Variants in ATP6V0D1 observed in about 807,000 individuals in gnomAD.
The protein encoded by ATP6V0D1 is ATPase H+ transporting V0 subunit d1.
In ATP6V0D1, 13 loss-of-function variants were observed where a neutral mutation model predicts 39.0. The observed-to-expected ratio is 0.33, with a 90% CI of 0.22 to 0.53. The LOEUF is 0.53. ATP6V0D1 is among the 20% of genes least tolerant of loss of function. ATP6V0D1 has a pLI of 0.94. For missense variants in ATP6V0D1, 272 were observed against 470.9 expected, an observed-to-expected ratio of 0.58 and a Z score of 3.91; for synonymous variants, 191 against 191.2, an observed-to-expected ratio of 1.00 and a Z score of 0.01.
intron 2 of ATP6V0D1, among the ~76,000 whole-genome samples, chr16:67,450,965 G>T (rs1391407356): frequency 6.6e-6 from 1 of 152,206 alleles, no homozygotes; most frequent in Non-Finnish European, 1.5e-5. Context: ...TGTGAAGAAG[G>T]TGGGCCACCT....
chr16:67,476,296 G>C (rs568505893), intron 1 of ATP6V0D1, among the ~76,000 whole-genome samples: 1 of 150,934 alleles, frequency 6.6e-6, no homozygotes, highest in East Asian at 1.9e-4. Context: ...AAAAAGACTT[G>C]GCAGTCAACT....
intron 6 of ATP6V0D1, 23 bp from the exon 7 acceptor site, chr16:67,438,893 G>A (rs760980028): frequency 6.2e-7 from 1 of 1,613,380 alleles, no homozygotes; most frequent in African/African-American, 1.3e-5. Context: ...GTGGGGGGAA[G>A]CACAAGCATG....
chr16:67,467,643 T>G (rs942692871), intron 1 of ATP6V0D1, among the ~76,000 whole-genome samples: 1 of 152,180 alleles, frequency 6.6e-6, no homozygotes, highest in South Asian at 2.1e-4. Context: ...CAAATACATC[T>G]CTGCATCACA....
intron 2 of ATP6V0D1, among the ~76,000 whole-genome samples, chr16:67,446,962 C>T (rs1009616975): frequency 3.3e-5 from 5 of 152,150 alleles, no homozygotes; most frequent in East Asian, 1.9e-4. Flanking sequence ...AGGAGCTCCA[C>T]GTCCCCATGG....
chr16:67,475,352 T>C (rs2041406339), intron 1 of ATP6V0D1, among the ~76,000 whole-genome samples: 1 of 152,242 alleles, frequency 6.6e-6, no homozygotes, highest in Non-Finnish European at 1.5e-5. Flanking sequence ...TCTTCCTGCA[T>C]AAAATTGTCT....
At chr16:67,441,013 G>T (rs2041044263) in intron 4 of ATP6V0D1, 1 of 152,458 alleles carries the variant, frequency 6.6e-6, no homozygotes, top group South Asian at 2.1e-4. Context: ...GCCTGCCCCA[G>T]TGGGGCCCTG....
At chr16:67,457,417 A>T in intron 1 of ATP6V0D1, 1 of 435,916 alleles carries the variant, frequency 2.3e-6, no homozygotes, top group Non-Finnish European at 4.2e-6. Flanking sequence ...CCAGCCCTTG[A>T]CCCAGGACAG....
rs140583108 is a variant in ATP6V0D1, at chr16:67,438,561, G to A, written c.1023C>T (p.Arg341=). 1.5e-5 allele frequency: 24 copies of A among 1,614,228 alleles called. No individual in the cohort carries two copies. The highest frequency in any genetic ancestry group is 5.3e-5 in the African/African-American group (4 of 75,050). ...TAGGGATGTAGTTGTCGATTTTGGC[G>A]CGGTGGCGCTGGGCGATACATTCAG... ...WIAECIAQRH[R]AKIDNYIPIF The change falls in exon 8 of 8, where the codon CGC becomes CGT. Residue 341 remains arginine, a synonymous_variant. Coordinates refer to ENST00000290949, the MANE Select transcript of ATP6V0D1 (RefSeq NM_004691.5).
chr16:67,466,347 ACAC>A (rs1186049146), intron 1 of ATP6V0D1, among the ~76,000 whole-genome samples: 2 of 148,866 alleles, frequency 1.3e-5, no homozygotes, highest in African/African-American at 2.5e-5. Context: ...ACACACACAC[ACAC>A]ACACACACAC....
intron 1 of ATP6V0D1, among the ~76,000 whole-genome samples, chr16:67,465,388 G>A (rs756263152): frequency 6.6e-6 from 1 of 152,172 alleles, no homozygotes; most frequent in Non-Finnish European, 1.5e-5. Flanking sequence ...TGAGGTTGAG[G>A]AGAGAGAAAA....
At chr16:67,471,204 TGAGACA>T (rs762043369) in intron 1 of ATP6V0D1, among the ~76,000 whole-genome samples, 1 of 152,254 alleles carries the variant, frequency 6.6e-6, no homozygotes, top group Non-Finnish European at 1.5e-5. Flanking sequence ...TCTTTGTTTT[TGAGACA>T]GAGTCTGGTT....
At chr16:67,441,270 C>T (rs1444090920) in intron 4 of ATP6V0D1, 1 of 152,296 alleles carries the variant, frequency 6.6e-6, no homozygotes, top group African/African-American at 2.4e-5. Flanking sequence ...ACGGCTGCTG[C>T]ACCAGCTGCC....
chr16:67,463,599 A>G (rs1033158066), intron 1 of ATP6V0D1, among the ~76,000 whole-genome samples: 5 of 151,986 alleles, frequency 3.3e-5, no homozygotes, highest in Admixed American at 6.6e-5. Context: ...AAGAAAAAGA[A>G]AAAAGAAGAA....
intron 1 of ATP6V0D1, among the ~76,000 whole-genome samples, chr16:67,476,091 G>A (rs766436784): frequency 6.6e-6 from 1 of 152,144 alleles, no homozygotes. Flanking sequence ...GCGTGGTAGC[G>A]TAGGCCTGTA....
intron 1 of ATP6V0D1, among the ~76,000 whole-genome samples, chr16:67,461,484 A>G (rs1226375947): frequency 6.6e-6 from 1 of 152,212 alleles, no homozygotes; most frequent in East Asian, 1.9e-4. Flanking sequence ...AGGAGCAGGT[A>G]GGAGGTAGTA....
At chr16:67,459,754 C>T (rs564575256) in intron 1 of ATP6V0D1, among the ~76,000 whole-genome samples, 49 of 152,368 alleles carry the variant, frequency 3.2e-4, no homozygotes, top group African/African-American at 1.1e-3. Flanking sequence ...TTTCAGCCCC[C>T]AGGCCTCTGC....
intron 1 of ATP6V0D1, among the ~76,000 whole-genome samples, chr16:67,463,601 AAAG>A (rs1447301775): frequency 1.3e-5 from 2 of 151,944 alleles, no homozygotes; most frequent in African/African-American, 2.4e-5. Context: ...GAAAAAGAAA[AAAG>A]AAGAAAAAAG....
At chr16:67,479,216 T>C (rs1039322690) in intron 1 of ATP6V0D1, among the ~76,000 whole-genome samples, 4 of 151,618 alleles carry the variant, frequency 2.6e-5, no homozygotes, top group Non-Finnish European at 4.4e-5. Context: ...ACTGCCGATT[T>C]TTTTTTTTTT....
chr16:67,452,736 C>T (rs116254322), intron 2 of ATP6V0D1, among the ~76,000 whole-genome samples: 4,191 of 152,304 alleles, frequency 0.028, 93 homozygotes, highest in South Asian at 0.063. Flanking sequence ...GCTCTTGGGA[C>T]ATCCCTGCAA....
Sources: allele counts gnomAD v4.1 joint callset (sites outside exome capture counted in the v4.1 genomes callset), GRCh38; gene constraint gnomAD v4.1.1; transcripts MANE v1.5; gene names NCBI Gene and HGNC (gene_info 2026-07-23, HGNC 2026-07-21).